Variants in GPHN observed in about 807,000 individuals in gnomAD.
GPHN encodes gephyrin.
GPHN carries 17 observed loss-of-function variants against 95.5 expected under a neutral mutation model. The ratio of observed to expected loss-of-function variants is 0.18; its 90% CI spans 0.12 to 0.27. The LOEUF is 0.27. Ranked by LOEUF, GPHN falls within the 10% of genes least tolerant of loss-of-function variation. GPHN has a pLI of 1.00. For synonymous variants in GPHN, 320 were observed against 322.5 expected, an observed-to-expected ratio of 0.99 and a Z score of 0.08; for missense variants, 660 against 978.1, an observed-to-expected ratio of 0.67 and a Z score of 4.34.
At chr14:66,756,483 G>A (rs1459965067) in intron 2 of GPHN, among the ~76,000 whole-genome samples, 2 of 151,992 alleles carry the variant, frequency 1.3e-5, no homozygotes, top group Non-Finnish European at 2.9e-5. Flanking sequence ...TCTGCATTTT[G>A]TATCCACGGT....
intron 2 of GPHN, among the ~76,000 whole-genome samples, chr14:66,691,339 C>T (rs1012903648): frequency 6.6e-6 from 1 of 151,930 alleles, no homozygotes; most frequent in African/African-American, 2.4e-5. Flanking sequence ...CACTCCCCAC[C>T]ACACCCAGCT....
the GPHN span, among the ~76,000 whole-genome samples, chr14:67,281,376 G>A: frequency 6.6e-6 from 1 of 152,104 alleles, no homozygotes; most frequent in African/African-American, 2.4e-5. Context: ...TACAGTGAAA[G>A]CTAAAAGATT....
rs772202248 is a variant in GPHN, at chr14:66,508,518, G to T, written c.-10G>T. 2 of 1,613,750 alleles carry T rather than the reference G, an allele frequency of 1.2e-6. No individual in the cohort carries two copies. The highest frequency in any genetic ancestry group is 1.1e-5 in the South Asian group (1 of 91,082). ...CGGCTCCTGTCAGTGCGGTGACTGC[G>T]CTGGGAAACATGGCGACCGAGGGAA... On this transcript the variant is annotated 5_prime_UTR_variant, in exon 1 of 23. Coordinates refer to ENST00000478722, the MANE Select transcript of GPHN (RefSeq NM_020806.5).
intron 2 of GPHN, among the ~76,000 whole-genome samples, chr14:66,734,090 ATC>A (rs2072040753): frequency 6.6e-6 from 1 of 152,166 alleles, no homozygotes; most frequent in Non-Finnish European, 1.5e-5. Context: ...ATTTCTAAAT[ATC>A]TGTTTCCATT....
At chr14:67,667,260 A>C in the GPHN span, among the ~76,000 whole-genome samples, 2 of 152,220 alleles carry the variant, frequency 1.3e-5, no homozygotes, top group Non-Finnish European at 2.9e-5. Context: ...AAGAATGCCT[A>C]ATCTTGGCCC....
At chr14:67,109,823 T>A (rs2078266230) in intron 13 of GPHN, among the ~76,000 whole-genome samples, 1 of 152,164 alleles carries the variant, frequency 6.6e-6, no homozygotes, top group Admixed American at 6.5e-5. Context: ...TTACATATAT[T>A]AGGAAAATGT....
At chr14:67,691,509 T>C in the GPHN span, 2 of 330,406 alleles carry the variant, frequency 6.1e-6, no homozygotes, top group African/African-American at 4.2e-5. Context: ...TCACTGCTTT[T>C]GGGAATTGTT....
chr14:67,016,575 T>C (rs1331255109), intron 9 of GPHN, among the ~76,000 whole-genome samples: 1 of 152,146 alleles, frequency 6.6e-6, no homozygotes, highest in African/African-American at 2.4e-5. Context: ...ACCTGTCTTT[T>C]ACCCACAAGA....
In GPHN at chr14:67,069,496, G is replaced by A. The variant is rs187656040; in HGVS notation, c.1144+10710G>A. On this transcript the variant is annotated intron_variant, in intron 11 of 22. Coordinates refer to ENST00000478722, the MANE Select transcript of GPHN (RefSeq NM_020806.5). ...AGACGGGAACATGTGCCTATGTGCC[G>A]TGGTCAGTATTCTAAAAGAGATACT... Among the ~76,000 whole-genome samples the A allele has an allele frequency of 5.3e-5, 8 of 152,320 alleles. No individual in the cohort carries two copies. In the East Asian group the frequency reaches 5.8e-4, roughly 11 times the overall value.
At chr14:66,513,103 G>C (rs1485362427) in intron 1 of GPHN, among the ~76,000 whole-genome samples, 1 of 151,678 alleles carries the variant, frequency 6.6e-6, no homozygotes, top group African/African-American at 2.4e-5. Flanking sequence ...AGAATTAAAT[G>C]TTTAGGCAAA....
At chr14:67,620,908 G>A in the GPHN span, 6 of 1,614,176 alleles carry the variant, frequency 3.7e-6, no homozygotes, top group Non-Finnish European at 3.4e-6. Context: ...GAAAAGGAGT[G>A]GAGCATGGTC....
At chr14:66,892,305 C>A (rs1374313524) in intron 5 of GPHN, among the ~76,000 whole-genome samples, 1 of 152,084 alleles carries the variant, frequency 6.6e-6, no homozygotes, top group East Asian at 1.9e-4. Flanking sequence ...CACCTATAAT[C>A]CTAGCTACTC....
At chr14:66,653,425 G>C (rs941064673) in intron 1 of GPHN, among the ~76,000 whole-genome samples, 4 of 152,142 alleles carry the variant, frequency 2.6e-5, no homozygotes, top group African/African-American at 7.2e-5. Flanking sequence ...TTTCTAAAGA[G>C]AGATCCTCTG....
the GPHN span, among the ~76,000 whole-genome samples, chr14:67,215,326 T>C: frequency 1.3e-5 from 2 of 152,038 alleles, no homozygotes; most frequent in African/African-American, 2.4e-5. Flanking sequence ...ATTGCTGTTA[T>C]CACCTACAGA....
the GPHN span, among the ~76,000 whole-genome samples, chr14:67,634,594 C>CAAA: frequency 1.7e-5 from 2 of 115,328 alleles, no homozygotes; most frequent in East Asian, 2.6e-4. Context: ...ACCGTGTCTC[C>CAAA]AAAAAAAAAA....
chr14:67,289,108 A>T, the GPHN span, among the ~76,000 whole-genome samples: 1 of 150,464 alleles, frequency 6.6e-6, no homozygotes, highest in African/African-American at 2.5e-5. Context: ...CTGGGACTAC[A>T]GGAGCACACC....
At chr14:67,397,642 C>T in the GPHN span, 1 of 1,598,764 alleles carries the variant, frequency 6.3e-7, no homozygotes, top group Non-Finnish European at 8.5e-7. Context: ...AGGAGCTGGA[C>T]AGCAGGGGCC....
rs560005706 is a variant in GPHN at position 66,753,788 on chromosome 14, C to T, written c.144-22676C>T. On this transcript the variant is annotated intron_variant, in intron 2 of 22. Coordinates refer to ENST00000478722, the MANE Select transcript of GPHN (RefSeq NM_020806.5). ...TGATTTTTAGTATACTTATTTTTGCCACTGTCACCACAATGTAATTTCAAA... is the reference window on the plus strand; with the variant it reads ...TGATTTTTAGTATACTTATTTTTGCTACTGTCACCACAATGTAATTTCAAA... Among the ~76,000 whole-genome samples the T allele has an allele frequency of 2.6e-5, 4 of 151,984 alleles. No homozygotes were observed. The East Asian group carries it at 5.8e-4, about 22-fold the overall frequency.
At chr14:67,066,647 A>G (rs2076068194) in intron 11 of GPHN, among the ~76,000 whole-genome samples, 1 of 151,956 alleles carries the variant, frequency 6.6e-6, no homozygotes, top group Non-Finnish European at 1.5e-5. Flanking sequence ...TTTTTTTTCT[A>G]AACTTGCCTT....
Sources: allele counts gnomAD v4.1 joint callset (sites outside exome capture counted in the v4.1 genomes callset), GRCh38; gene constraint gnomAD v4.1.1; transcripts MANE v1.5; gene names NCBI Gene and HGNC (gene_info 2026-07-23, HGNC 2026-07-21).